The following NBEA variants were observed in gnomAD, a reference collection of about 807,000 sequenced individuals.
NBEA encodes the protein lysosomal-trafficking regulator 2.
Under a neutral mutation model 343.4 loss-of-function variants are expected in NBEA, and 44 were observed. That is an observed-to-expected ratio of 0.13 (90% CI 0.10 to 0.16). NBEA has a LOEUF of 0.16. Ranked by LOEUF, NBEA falls within the 10% of genes least tolerant of loss-of-function variation. NBEA has a pLI of 1.00. For missense variants in NBEA, 2,555 were observed against 3,631.3 expected (o/e 0.70, Z 7.62); for synonymous variants, 1,175 against 1,238.7 (o/e 0.95, Z 1.08).
At chr13:35,111,430 A>G (rs954964518) in intron 13 of NBEA, among the ~76,000 whole-genome samples, 4 of 151,862 alleles carry the variant, frequency 2.6e-5, no homozygotes, top group African/African-American at 9.7e-5. Flanking sequence ...TTTTCTAATT[A>G]TACAAAAAAT....
intron 49 of NBEA, among the ~76,000 whole-genome samples, chr13:35,631,280 G>A (rs2083441656): frequency 6.6e-6 from 1 of 152,098 alleles, no homozygotes; most frequent in African/African-American, 2.4e-5. Context: ...CATGTGGGAG[G>A]CACAATACCT....
At chr13:35,211,645 T>C (rs1448891975) in intron 33 of NBEA, among the ~76,000 whole-genome samples, 3 of 151,800 alleles carry the variant, frequency 2.0e-5, no homozygotes, top group Non-Finnish European at 4.4e-5. Context: ...TGAAACCTTG[T>C]CTTTACTAAA....
chr13:35,226,465 T>A (rs1394619813), intron 33 of NBEA, among the ~76,000 whole-genome samples: 4 of 152,136 alleles, frequency 2.6e-5, no homozygotes, highest in Non-Finnish European at 5.9e-5. Flanking sequence ...AATATTTTTT[T>A]AAATATACGA....
At chr13:34,966,666 A>T (rs2059830486) in intron 1 of NBEA, among the ~76,000 whole-genome samples, 4 of 139,668 alleles carry the variant, frequency 2.9e-5, no homozygotes, top group Non-Finnish European at 1.5e-5. Flanking sequence ...ATGTGTGTGT[A>T]CCTGTATATT....
chr13:34,999,008 A>G (rs957878568), intron 1 of NBEA, among the ~76,000 whole-genome samples: 6 of 152,248 alleles, frequency 3.9e-5, no homozygotes, highest in African/African-American at 1.4e-4. Flanking sequence ...TGTCCATGAA[A>G]TCTTCACAAT....
intron 10 of NBEA, among the ~76,000 whole-genome samples, chr13:35,091,286 T>A (rs1479574487): frequency 6.6e-6 from 1 of 151,934 alleles, no homozygotes; most frequent in Non-Finnish European, 1.5e-5. Flanking sequence ...AGCCCCAGCG[T>A]TTTGACAGAA....
intron 34 of NBEA, among the ~76,000 whole-genome samples, chr13:35,242,087 C>T (rs572213352): frequency 3.9e-5 from 6 of 151,954 alleles, no homozygotes; most frequent in Non-Finnish European, 7.4e-5. Context: ...AAATGTCGGC[C>T]TCTGACTTCT....
chr13:35,542,038 A>G (rs1235232716), intron 41 of NBEA, among the ~76,000 whole-genome samples: 2 of 152,032 alleles, frequency 1.3e-5, no homozygotes. Flanking sequence ...CCTTAAGTCT[A>G]AGGTAAGCAG....
At chr13:35,445,792 A>ATATATATATATATATATATATATG (rs2045980811) in intron 39 of NBEA, among the ~76,000 whole-genome samples, 8 of 78,218 alleles carry the variant, frequency 1.0e-4, no homozygotes, top group Admixed American at 2.2e-4. Flanking sequence ...TTATATATAT[A>ATATATATATATATATATATATATG]TATATATATA....
chr13:35,094,192 TAG>T (rs527239714), intron 10 of NBEA, among the ~76,000 whole-genome samples: 7 of 152,176 alleles, frequency 4.6e-5, no homozygotes, highest in Admixed American at 3.3e-4. Context: ...TCACTTTTAA[TAG>T]AGTCTCTAAG....
At chr13:34,993,791 A>G (rs1041357162) in intron 1 of NBEA, among the ~76,000 whole-genome samples, 4 of 152,224 alleles carry the variant, frequency 2.6e-5, no homozygotes, top group African/African-American at 7.2e-5. Flanking sequence ...TTTGTAAGAA[A>G]TACTGTATTT....
chr13:35,225,994 A>G (rs1442585580), intron 33 of NBEA, among the ~76,000 whole-genome samples: 2 of 152,158 alleles, frequency 1.3e-5, no homozygotes, highest in African/African-American at 4.8e-5. Context: ...TTATATATTC[A>G]AAAATATTAT....
intron 2 of NBEA, among the ~76,000 whole-genome samples, chr13:35,041,889 T>G (rs186768997): frequency 3.3e-5 from 5 of 152,056 alleles, no homozygotes; most frequent in African/African-American, 1.2e-4. Flanking sequence ...GAAAATAAGT[T>G]TAAAGTTTAA....
At chr13:35,282,072 C>T (rs187626614) in intron 34 of NBEA, among the ~76,000 whole-genome samples, 106 of 151,568 alleles carry the variant, frequency 7.0e-4, no homozygotes, top group African/African-American at 1.8e-3. Context: ...GCTACCACGC[C>T]CGGCTAATTT....
intron 58 of NBEA, 51 bp downstream of exon 58, chr13:35,668,570 T>G (rs1390160518): frequency 4.0e-6 from 6 of 1,482,990 alleles, no homozygotes; most frequent in Non-Finnish European, 4.5e-6. Context: ...CATTGAAGGC[T>G]CTCTTCATTC....
chr13:35,048,805 C>G (rs1207461328), intron 5 of NBEA, 121 bp downstream of exon 5: 2 of 530,994 alleles, frequency 3.8e-6, no homozygotes, highest in Non-Finnish European at 6.4e-6. Flanking sequence ...TATGCTAGAA[C>G]TGTGAAGACA....
intron 1 of NBEA, among the ~76,000 whole-genome samples, chr13:34,988,296 A>G (rs530530987): frequency 6.6e-6 from 1 of 151,070 alleles, no homozygotes; most frequent in Admixed American, 6.6e-5. Flanking sequence ...GAGCTCAAAC[A>G]CCATGCTGGG....
rs557883597 is a variant in NBEA, at chr13:35,168,400, G to A, written c.4234-587G>A. ...TTTATTCATATTCAGGCCTCATTTA[G>A]TATATCAAGTTATTTTCTAGCATGG... is the stretch of plus-strand genomic sequence containing the variant. On this transcript the variant is annotated intron_variant, in intron 24 of 58. Transcript: ENST00000379939. 3.3e-5 allele frequency among the ~76,000 whole-genome samples: 5 copies of A among 151,426 alleles called. No individual in the cohort carries two copies. The South Asian group carries it at 1.0e-3, about 32-fold the overall frequency.
intron 24 of NBEA, 110 bp from the exon 25 acceptor site, chr13:35,168,877 T>A (rs1384719447): frequency 4.3e-6 from 3 of 702,764 alleles, no homozygotes; most frequent in Admixed American, 3.8e-5. Context: ...ATATAATTTT[T>A]AAATATATTA....
Sources: allele counts gnomAD v4.1 joint callset (sites outside exome capture counted in the v4.1 genomes callset), GRCh38; gene constraint gnomAD v4.1.1; transcripts MANE v1.5; gene names NCBI Gene and HGNC (gene_info 2026-07-23, HGNC 2026-07-21).